SLC25A46: variants seen among roughly 807,000 people sequenced by gnomAD.
The protein encoded by SLC25A46 is solute carrier family 25 member 46, also known as mitochondrial outer membrane protein SLC25A46.
In SLC25A46, 39 loss-of-function variants were observed where a neutral mutation model predicts 44.6. The ratio of observed to expected loss-of-function variants is 0.87; its 90% CI spans 0.68 to 1.14. The LOEUF (loss-of-function observed/expected upper bound fraction) is 1.14, where lower values mean the gene tolerates loss of function less well. SLC25A46 is among the 50% of genes most tolerant of loss of function. The probability of loss-of-function intolerance (pLI) is 0.00; values close to 1 mark genes in which losing one functional copy is unlikely to be tolerated. For synonymous variants in SLC25A46, 202 were observed against 185.8 expected, an observed-to-expected ratio of 1.09 and a Z score of -0.71; for missense variants, 547 against 522.7, an observed-to-expected ratio of 1.05 and a Z score of -0.45.
intron 7 of SLC25A46, chr5:110,757,170 C>T (rs1800138332): frequency 6.5e-6 from 1 of 154,650 alleles, no homozygotes; most frequent in Admixed American, 6.5e-5. Context: ...CAGGTTGTCC[C>T]CACAGGTAGT....
chr5:110,741,740 T>C (rs1279432889), intron 1 of SLC25A46: 2 of 210,648 alleles, frequency 9.5e-6, no homozygotes, highest in Non-Finnish European at 1.9e-5. Flanking sequence ...AATGAGAATA[T>C]CTTTTTTTGA....
At chr5:110,755,110 G>T (rs1800074605) in intron 5 of SLC25A46, 1 of 166,926 alleles carries the variant, frequency 6.0e-6, no homozygotes, top group East Asian at 1.8e-4. Context: ...TATATACTTT[G>T]TAAAGCCTTT....
chr5:110,742,682 T>C (rs984206062), intron 2 of SLC25A46, among the ~76,000 whole-genome samples: 1 of 152,258 alleles, frequency 6.6e-6, no homozygotes, highest in African/African-American at 2.4e-5. Context: ...ATGTAATCTG[T>C]CTGTCTCCCA....
chr5:110,739,953 T>C (rs1033734861), intron 1 of SLC25A46, among the ~76,000 whole-genome samples: 9 of 152,300 alleles, frequency 5.9e-5, no homozygotes, highest in African/African-American at 2.2e-4. Context: ...GTTTCCTTCC[T>C]TTTCCTTTTT....
chr5:110,748,367 C>A, intron 5 of SLC25A46, 104 bp downstream of exon 5: 1 of 856,644 alleles, frequency 1.2e-6, no homozygotes. Context: ...TTGTGTGATG[C>A]TAAAGTTTGG....
At position 110,761,704 on chromosome 5, in the gene SLC25A46, A is replaced by G. The variant is rs745350036; in HGVS notation, c.1179A>G (p.Ile393Met). The G allele has an allele frequency of 1.9e-6, 3 of 1,613,304 alleles. No individual in the cohort carries two copies. The highest frequency in any genetic ancestry group is 1.3e-5 in the African/African-American group (1 of 74,894). ...TTTATAAAGGGTTTGGTGCTGTTAT[A>G]ATACAGTACACACTGCATGCAGCTG... ...FGFYKGFGAVIIQYTLHAAVL... is the reference protein window; with the variant it reads ...FGFYKGFGAVMIQYTLHAAVL... Residue 393 changes from isoleucine (I) to methionine (M), a missense_variant, in exon 8 of 8, where the codon ATA (isoleucine) becomes ATG (methionine). By Grantham distance (10) the Ile-to-Met change is conservative. Coordinates refer to ENST00000355943, the MANE Select transcript of SLC25A46 (RefSeq NM_138773.4). This position sits in a 1 kb window ranked among gnomAD's most constrained non-coding sequence, Gnocchi z 5.3.
In SLC25A46 at chr5:110,763,777, A is replaced by C. The variant is rs760690100; in HGVS notation, c.*1995A>C. 2.0e-5 allele frequency: 3 copies of C among 151,852 alleles called. No individual in the cohort carries two copies. Among genetic ancestry groups the C allele is most frequent in the Non-Finnish European group, 4.4e-5 (3 of 67,862 alleles). 9.4% of individuals were successfully genotyped at this position (151,852 alleles called of 1,614,324 possible). A position where few individuals can be genotyped will look rare whatever the true frequency, so the allele number is the denominator to read the frequency against. ...AGACTGATAGGCTGAACCATACACA[A>C]ATAAGGTTGATCTTGTTTTCCTTTT... On this transcript the variant is annotated 3_prime_UTR_variant, in exon 8 of 8. Coordinates refer to ENST00000355943, the MANE Select transcript of SLC25A46 (RefSeq NM_138773.4).
At chr5:110,743,829 C>G in intron 3 of SLC25A46, 42 bp downstream of exon 3, 1 of 1,478,950 alleles carries the variant, frequency 6.8e-7, no homozygotes, top group Admixed American at 1.7e-5. Flanking sequence ...ATACTTCTGA[C>G]CCTAATATGA....
intron 2 of SLC25A46, among the ~76,000 whole-genome samples, chr5:110,742,307 T>C (rs1191988570): frequency 2.0e-5 from 3 of 152,168 alleles, no homozygotes; most frequent in Admixed American, 6.5e-5. Context: ...CATCCAATTT[T>C]ATAAACACAA....
chr5:110,761,727 C>A lies in SLC25A46; in HGVS notation c.1202C>A (p.Ala401Asp). The A allele has an allele frequency of 6.2e-7, 1 of 1,612,896 alleles. No individual in the cohort carries two copies. Among genetic ancestry groups the A allele is most frequent in the East Asian group, 2.2e-5 (1 of 44,852 alleles). ...ATAATACAGTACACACTGCATGCAG[C>A]TGTTTTACAGATTACCAAAATTATT... ...AVIIQYTLHA[A>D]VLQITKIIYS... The change falls in exon 8 of 8, where the codon GCT (alanine) becomes GAT (aspartate). Residue 401 changes from alanine (A) to aspartate (D), a missense_variant. Transcript: ENST00000355943. This position sits in a 1 kb window ranked among gnomAD's most constrained non-coding sequence, Gnocchi z 5.3.
chr5:110,749,940 A>C (rs915078642), intron 5 of SLC25A46, among the ~76,000 whole-genome samples: 3 of 152,168 alleles, frequency 2.0e-5, no homozygotes, highest in Non-Finnish European at 4.4e-5. Flanking sequence ...CATCCTATCG[A>C]TAATGTTAAA....
At chr5:110,750,012 T>G (rs965826988) in intron 5 of SLC25A46, among the ~76,000 whole-genome samples, 1 of 152,050 alleles carries the variant, frequency 6.6e-6, no homozygotes, top group Non-Finnish European at 1.5e-5. Context: ...TTTGCATTGT[T>G]AAAGAAGTGA....
At chr5:110,738,911 G>C, upstream of SLC25A46, 3 of 1,337,866 alleles carry the variant, frequency 2.2e-6, no homozygotes, top group Middle Eastern at 8.1e-4. Flanking sequence ...TTACCGCCGC[G>C]TCTCCCTAGC....
At chr5:110,752,896 G>A (rs969887255) in intron 5 of SLC25A46, among the ~76,000 whole-genome samples, 2 of 152,036 alleles carry the variant, frequency 1.3e-5, no homozygotes, top group African/African-American at 4.8e-5. Context: ...ATACACTATG[G>A]TAGAAGAATA....
At chr5:110,739,787 C>G (rs1188670936) in intron 1 of SLC25A46, among the ~76,000 whole-genome samples, 1 of 152,060 alleles carries the variant, frequency 6.6e-6, no homozygotes, top group Non-Finnish European at 1.5e-5. Flanking sequence ...GTTTTGTGTT[C>G]TGAAAAGAGA....
At chr5:110,753,481 A>C (rs1800024150) in intron 5 of SLC25A46, 1 of 151,888 alleles carries the variant, frequency 6.6e-6, no homozygotes, top group Admixed American at 6.6e-5. Flanking sequence ...TACTCGAATA[A>C]ATTTTATTAA....
intron 1 of SLC25A46, 137 bp from the exon 2 acceptor site, chr5:110,741,910 G>A (rs1275838429): frequency 2.2e-5 from 14 of 624,694 alleles, no homozygotes; most frequent in Non-Finnish European, 3.3e-5. Flanking sequence ...GCCCCTATCA[G>A]AATTTGACTT....
chr5:110,764,687 CT>C lies in SLC25A46; in HGVS notation c.*2906del, dbSNP rs1800345151. Reference sequence around the variant, plus strand: ...GTTCAGGAAATGGAAAAAAAAAATGCTGCTTAAATTTGTTTTATCAGCTGAG... The same window carrying C: ...GTTCAGGAAATGGAAAAAAAAAATGCGCTTAAATTTGTTTTATCAGCTGAG... On this transcript the variant is annotated 3_prime_UTR_variant, in exon 8 of 8. Transcript: ENST00000355943. 6.6e-6 allele frequency: 1 copy of C among 151,776 alleles called. No individual in the cohort carries two copies. Among genetic ancestry groups the C allele is most frequent in the Non-Finnish European group, 1.5e-5 (1 of 67,898 alleles). 9.4% of individuals were successfully genotyped at this position (151,776 alleles called of 1,614,324 possible). A position where few individuals can be genotyped will look rare whatever the true frequency, so the allele number is the denominator to read the frequency against.
chr5:110,742,311 A>C (rs1033013875), intron 2 of SLC25A46, among the ~76,000 whole-genome samples: 1 of 152,168 alleles, frequency 6.6e-6, no homozygotes, highest in Non-Finnish European at 1.5e-5. Flanking sequence ...CAATTTTATA[A>C]ACACAAAGTA....
Sources: allele counts gnomAD v4.1 joint callset (sites outside exome capture counted in the v4.1 genomes callset), GRCh38; gene constraint gnomAD v4.1.1; non-coding constraint Gnocchi (gnomAD v3.1); transcripts MANE v1.5; gene names NCBI Gene and HGNC (gene_info 2026-07-23, HGNC 2026-07-21).